SLC6A6: variants seen among roughly 807,000 people sequenced by gnomAD.
SLC6A6 encodes the protein sodium- and chloride-dependent taurine transporter.
SLC6A6 carries 16 observed loss-of-function variants against 68.8 expected under a neutral mutation model. The observed-to-expected ratio is 0.23, with a 90% CI of 0.16 to 0.35. The LOEUF is 0.35. Among genes scored for constraint, SLC6A6 ranks in the 10% least tolerant of loss-of-function variants. SLC6A6 has a pLI of 1.00. For missense variants in SLC6A6, 474 were observed against 802.8 expected (o/e 0.59, Z 4.95); for synonymous variants, 312 against 315.4 (o/e 0.99, Z 0.12).
chr3:14,450,768 G>A lies in SLC6A6; in HGVS notation c.599+2952G>A, dbSNP rs948220399. 2.6e-5 allele frequency among the ~76,000 whole-genome samples: 4 copies of A among 152,346 alleles called. No homozygotes were observed. The highest frequency in any genetic ancestry group is 6.5e-5 in the Admixed American group (1 of 15,308). On this transcript the variant is annotated intron_variant, in intron 5 of 14. Coordinates refer to ENST00000622186, the MANE Select transcript of SLC6A6 (RefSeq NM_003043.6). The surrounding 1 kb of genome is among the most constrained non-coding windows in gnomAD (Gnocchi z 4.1). ...CAGGTGCCGTGGGCAAGAAAGACCC[G>A]GCCTCCTGCCTTCAAGAGCCTTCTC...
intron 2 of SLC6A6, among the ~76,000 whole-genome samples, chr3:14,425,243 G>A (rs570397237): frequency 2.0e-5 from 3 of 152,312 alleles, no homozygotes; most frequent in Non-Finnish European, 4.4e-5. Context: ...ACATTCCTGA[G>A]GTCACCACTT....
intron 13 of SLC6A6, 73 bp downstream of exon 13, chr3:14,479,258 A>G (rs967324037): frequency 2.2e-6 from 2 of 925,260 alleles, no homozygotes; most frequent in Admixed American, 1.7e-5. Flanking sequence ...CCGCTAAACC[A>G]TCTTTCATGC....
chr3:14,462,160 C>G (rs536951934), intron 6 of SLC6A6, among the ~76,000 whole-genome samples: 1 of 152,180 alleles, frequency 6.6e-6, no homozygotes, highest in Non-Finnish European at 1.5e-5. Context: ...TTGGGGATCC[C>G]GGGGGAGCCA....
Position 14,472,357 on chromosome 3 carries a change from G to A in SLC6A6, c.1209+40G>A, listed in dbSNP as rs1281144247. The A allele has an allele frequency of 1.6e-6, 2 of 1,251,166 alleles. No homozygotes were observed. The highest frequency in any genetic ancestry group is 3.0e-5 in the African/African-American group (2 of 67,646). The allele number at this position is 1,251,166 out of a possible 1,614,324, so 77.5% of individuals were successfully genotyped here. On this transcript the variant is annotated intron_variant, in intron 10 of 14. Transcript: ENST00000622186. This position sits in a 1 kb window ranked among gnomAD's most constrained non-coding sequence, Gnocchi z 4.5. The stretch of plus-strand genomic sequence containing the variant: ...TGGCCCTGGGGCGACTGCCCCTGTG[G>A]GGAACCTGACTCTGGGAAAGACTCC...
At chr3:14,446,232 G>A (rs1700117792) in intron 4 of SLC6A6, among the ~76,000 whole-genome samples, 1 of 152,182 alleles carries the variant, frequency 6.6e-6, no homozygotes, top group African/African-American at 2.4e-5. Flanking sequence ...AGACTATGCA[G>A]CCATAAAGAA....
chr3:14,428,673 G>A (rs941996304), intron 2 of SLC6A6, among the ~76,000 whole-genome samples: 3 of 152,164 alleles, frequency 2.0e-5, no homozygotes, highest in Admixed American at 2.0e-4. Flanking sequence ...TTGGGACCCT[G>A]CACCTCCAGG....
intron 6 of SLC6A6, among the ~76,000 whole-genome samples, chr3:14,459,859 G>A (rs901179488): frequency 6.6e-6 from 1 of 151,464 alleles, no homozygotes; most frequent in Non-Finnish European, 1.5e-5. Context: ...TGGCACAGAC[G>A]GTTCTGTAAA....
At chr3:14,423,141 GA>G (rs1485665379) in intron 2 of SLC6A6, among the ~76,000 whole-genome samples, 3 of 152,200 alleles carry the variant, frequency 2.0e-5, no homozygotes, top group African/African-American at 7.2e-5. Context: ...ATTTGCTTTG[GA>G]AAAACTGTAG....
In SLC6A6 at chr3:14,406,353, A is replaced by T. The variant is rs898259764; in HGVS notation, c.-54+3506A>T. The stretch of plus-strand genomic sequence containing the variant: ...GTAAGTGGGTTTGGGCTTTCTCCTG[A>T]TGGCAGCAGGAGTCATACTGGGTTT... On this transcript the variant is annotated intron_variant, in intron 1 of 14. Coordinates refer to ENST00000622186, the MANE Select transcript of SLC6A6 (RefSeq NM_003043.6). 9.9e-5 allele frequency among the ~76,000 whole-genome samples: 15 copies of T among 152,194 alleles called. No homozygotes were observed. In the East Asian group the frequency reaches 2.9e-3, roughly 29 times the overall value.
intron 5 of SLC6A6, 180 bp downstream of exon 5, chr3:14,447,996 C>A: frequency 7.2e-7 from 1 of 1,396,824 alleles, no homozygotes; most frequent in Non-Finnish European, 9.4e-7. Context: ...CCCAGTTCTG[C>A]CACTTACTGG....
Position 14,472,924 on chromosome 3 carries a change from A to T in SLC6A6, c.1209+607A>T, listed in dbSNP as rs766423084. Among the ~76,000 whole-genome samples the T allele has an allele frequency of 1.1e-4, 17 of 152,190 alleles. No individual in the cohort carries two copies. Among genetic ancestry groups the T allele is most frequent in the Non-Finnish European group, 2.4e-4 (16 of 68,042 alleles). On this transcript the variant is annotated intron_variant, in intron 10 of 14. Coordinates refer to ENST00000622186, the MANE Select transcript of SLC6A6 (RefSeq NM_003043.6). This position sits in a 1 kb window ranked among gnomAD's most constrained non-coding sequence, Gnocchi z 4.5. ...CCGCACAGGCCGGGAGCCTCGCTCAAACCCGCCCTGACCTCTGGCTGTCCT... is the reference window on the plus strand; with the variant it reads ...CCGCACAGGCCGGGAGCCTCGCTCATACCCGCCCTGACCTCTGGCTGTCCT...
intron 2 of SLC6A6, among the ~76,000 whole-genome samples, chr3:14,422,315 CT>C (rs538591283): frequency 9.9e-5 from 15 of 152,284 alleles, no homozygotes; most frequent in Middle Eastern, 3.4e-3. Flanking sequence ...CACACACTTG[CT>C]GGCAGAGCTG....
chr3:14,431,951 G>GGTAA (rs1699734374), intron 2 of SLC6A6, among the ~76,000 whole-genome samples: 1 of 152,174 alleles, frequency 6.6e-6, no homozygotes, highest in South Asian at 2.1e-4. Flanking sequence ...CTTTAGAGAG[G>GGTAA]GTAACACTGA....
chr3:14,408,801 T>G (rs980019965), intron 1 of SLC6A6, among the ~76,000 whole-genome samples: 1 of 140,454 alleles, frequency 7.1e-6, no homozygotes, highest in Non-Finnish European at 1.6e-5. Context: ...TTTTGTTTTG[T>G]TTTTTTTTTG....
At chr3:14,461,391 C>T (rs549792802) in intron 6 of SLC6A6, among the ~76,000 whole-genome samples, 2 of 152,294 alleles carry the variant, frequency 1.3e-5, no homozygotes, top group East Asian at 3.9e-4. Flanking sequence ...ACCTGGGTGC[C>T]CCACACTCTT....
At chr3:14,418,085 G>T (rs1699405712) in intron 2 of SLC6A6, among the ~76,000 whole-genome samples, 1 of 152,184 alleles carries the variant, frequency 6.6e-6, no homozygotes, top group African/African-American at 2.4e-5. Context: ...CCCTGAAATT[G>T]AAGTTTCTCA....
chr3:14,480,007 C>G (rs1019320462), intron 13 of SLC6A6, among the ~76,000 whole-genome samples: 3 of 152,330 alleles, frequency 2.0e-5, no homozygotes, highest in African/African-American at 4.8e-5. Context: ...AGGCCCTCCC[C>G]TCCGTGACCT....
At chr3:14,425,304 C>A (rs555505810) in intron 2 of SLC6A6, among the ~76,000 whole-genome samples, 1 of 152,248 alleles carries the variant, frequency 6.6e-6, no homozygotes, top group South Asian at 2.1e-4. Context: ...ATAGGTGATG[C>A]AGCATAGGCA....
intron 1 of SLC6A6, among the ~76,000 whole-genome samples, chr3:14,409,843 G>C (rs62231829): frequency 1.3e-5 from 2 of 152,232 alleles, no homozygotes; most frequent in South Asian, 4.1e-4. Context: ...GGATGAGGAC[G>C]CTGAGGCCCA....
Sources: gnomAD v4.1 joint callset for allele counts (sites outside exome capture counted in the v4.1 genomes callset) on GRCh38, gnomAD v4.1.1 for gene constraint, Gnocchi (gnomAD v3.1) non-coding constraint, MANE v1.5 for transcripts, NCBI Gene and HGNC (gene_info 2026-07-23, HGNC 2026-07-21) for gene names.